The following PALM2AKAP2 variants were observed in gnomAD, a reference collection of about 807,000 sequenced individuals.
The protein encoded by PALM2AKAP2 is PALM2-AKAP2 fusion protein.
In PALM2AKAP2, 37 loss-of-function variants were observed where a neutral mutation model predicts 71.5. The observed-to-expected ratio is 0.52, with a 90% CI of 0.40 to 0.68. PALM2AKAP2 has a LOEUF of 0.68. Among genes scored for constraint, PALM2AKAP2 ranks in the 30% least tolerant of loss-of-function variants. PALM2AKAP2 has a pLI of 0.00. For missense variants in PALM2AKAP2, 1,224 were observed against 1,191.8 expected, an observed-to-expected ratio of 1.03 and a Z score of -0.40; for synonymous variants, 468 against 478.8, an observed-to-expected ratio of 0.98 and a Z score of 0.29.
chr9:110,024,293 C>G (rs765321897), intron 7 of PALM2AKAP2, among the ~76,000 whole-genome samples: 2 of 152,206 alleles, frequency 1.3e-5, no homozygotes, highest in Non-Finnish European at 1.5e-5. Flanking sequence ...TACCCCATCC[C>G]CAAACAACCA....
At chr9:110,128,249 G>A (rs1835660165) in intron 1 of PALM2AKAP2, among the ~76,000 whole-genome samples, 1 of 152,162 alleles carries the variant, frequency 6.6e-6, no homozygotes, top group South Asian at 2.1e-4. Context: ...GAGACATCCT[G>A]ACTTAGCCAG....
At chr9:110,109,060 G>A (rs1258872383) in intron 1 of PALM2AKAP2, among the ~76,000 whole-genome samples, 2 of 152,088 alleles carry the variant, frequency 1.3e-5, no homozygotes, top group African/African-American at 4.8e-5. Flanking sequence ...GCTCATGCCT[G>A]TAATCCCAGC....
chr9:109,666,594 G>T (rs1259800645), intron 1 of PALM2AKAP2, among the ~76,000 whole-genome samples: 3 of 152,176 alleles, frequency 2.0e-5, no homozygotes, highest in Admixed American at 1.3e-4. Context: ...CAGTTCTGGT[G>T]GGCTGACTCC....
At chr9:109,705,832 G>A (rs1409429302) in intron 1 of PALM2AKAP2, among the ~76,000 whole-genome samples, 1 of 152,098 alleles carries the variant, frequency 6.6e-6, no homozygotes, top group Non-Finnish European at 1.5e-5. Context: ...TGTGCCTCTG[G>A]TTTCTCATTT....
At chr9:110,074,597 C>G (rs938280439) in intron 1 of PALM2AKAP2, among the ~76,000 whole-genome samples, 26 of 152,178 alleles carry the variant, frequency 1.7e-4, no homozygotes, top group Admixed American at 5.9e-4. Flanking sequence ...AATAACGAGG[C>G]ATTATGTCTG....
At chr9:110,028,477 A>G (rs1833220283) in intron 7 of PALM2AKAP2, among the ~76,000 whole-genome samples, 1 of 152,206 alleles carries the variant, frequency 6.6e-6, no homozygotes, top group South Asian at 2.1e-4. Flanking sequence ...GTAATCCTCC[A>G]GATGACTCTG....
intron 2 of PALM2AKAP2, among the ~76,000 whole-genome samples, chr9:110,148,250 A>G (rs1462252615): frequency 1.3e-5 from 2 of 152,110 alleles, no homozygotes; most frequent in African/African-American, 4.8e-5. Context: ...CTTTCCTTCT[A>G]GAGTTTTCAT....
At chr9:109,860,154 G>A (rs2131663865) in intron 1 of PALM2AKAP2, among the ~76,000 whole-genome samples, 1 of 152,310 alleles carries the variant, frequency 6.6e-6, no homozygotes, top group South Asian at 2.1e-4. Flanking sequence ...AGCATTACTT[G>A]TTAGCTGGAC....
chr9:109,705,100 C>T (rs1828122322), intron 1 of PALM2AKAP2, among the ~76,000 whole-genome samples: 1 of 152,190 alleles, frequency 6.6e-6, no homozygotes, highest in Non-Finnish European at 1.5e-5. Context: ...ACTTAGCCCA[C>T]CAGGACAGGG....
At chr9:110,093,524 T>C (rs1337772657) in intron 1 of PALM2AKAP2, among the ~76,000 whole-genome samples, 1 of 152,212 alleles carries the variant, frequency 6.6e-6, no homozygotes, top group African/African-American at 2.4e-5. Flanking sequence ...AAATATTGTC[T>C]TGGATAGAAA....
intron 1 of PALM2AKAP2, among the ~76,000 whole-genome samples, chr9:109,849,286 G>GTAAGT (rs752721486): frequency 1.0e-3 from 152 of 152,332 alleles, no homozygotes; most frequent in Non-Finnish European, 1.8e-3. Flanking sequence ...GCATTCGTCA[G>GTAAGT]TAAGTTTTGA....
chr9:109,998,086 A>G (rs904158999), intron 6 of PALM2AKAP2, among the ~76,000 whole-genome samples: 2 of 152,036 alleles, frequency 1.3e-5, no homozygotes, highest in African/African-American at 4.8e-5. Context: ...CTGTCTGTGC[A>G]GAGACTCTAG....
At chr9:109,795,883 G>A (rs1827239481) in intron 1 of PALM2AKAP2, among the ~76,000 whole-genome samples, 1 of 152,218 alleles carries the variant, frequency 6.6e-6, no homozygotes, top group South Asian at 2.1e-4. Flanking sequence ...AGATCACAGA[G>A]TGCCATATGG....
At chr9:110,087,455 C>A (rs1031348505) in intron 1 of PALM2AKAP2, among the ~76,000 whole-genome samples, 1 of 152,176 alleles carries the variant, frequency 6.6e-6, no homozygotes, top group Non-Finnish European at 1.5e-5. Context: ...CTTCCCCAGT[C>A]TATTACAGAA....
At chr9:109,748,373 C>T (rs984603633) in intron 1 of PALM2AKAP2, among the ~76,000 whole-genome samples, 2 of 152,118 alleles carry the variant, frequency 1.3e-5, no homozygotes, top group African/African-American at 2.4e-5. Flanking sequence ...GAATGACGCA[C>T]TACAGGGGTT....
At chr9:110,147,248 CAAAA>C (rs59763270) in intron 2 of PALM2AKAP2, among the ~76,000 whole-genome samples, 1 of 108,044 alleles carries the variant, frequency 9.3e-6, no homozygotes, top group Non-Finnish European at 1.9e-5. Context: ...GACTCTGTCT[CAAAA>C]AAAAAAAAAA....
chr9:110,135,166 T>A (rs199592308), intron 1 of PALM2AKAP2, among the ~76,000 whole-genome samples: 14,330 of 42,926 alleles, frequency 0.33, 3,383 homozygotes, highest in East Asian at 0.73. Flanking sequence ...AAAAAAAAAA[T>A]ATATAAATAT....
At chr9:109,898,637 C>T (rs2131841105) in intron 3 of PALM2AKAP2, among the ~76,000 whole-genome samples, 1 of 152,312 alleles carries the variant, frequency 6.6e-6, no homozygotes, top group Non-Finnish European at 1.5e-5. Flanking sequence ...AGTCTCTATA[C>T]TTTATGAAGA....
chr9:110,143,411 C>CAA (rs10638600), intron 2 of PALM2AKAP2, among the ~76,000 whole-genome samples: 14,860 of 68,244 alleles, frequency 0.22, 1,749 homozygotes, highest in East Asian at 0.53. Flanking sequence ...AGCAAAGTGC[C>CAA]AAAAAAAAAA....
Sources: allele counts gnomAD v4.1 joint callset (sites outside exome capture counted in the v4.1 genomes callset), GRCh38; gene constraint gnomAD v4.1.1; transcripts MANE v1.5; gene names NCBI Gene and HGNC (gene_info 2026-07-23, HGNC 2026-07-21).